Variants in DLG5 observed in about 807,000 individuals in gnomAD.
The protein encoded by DLG5 is disks large homolog 5.
DLG5 carries 48 observed loss-of-function variants against 189.8 expected under a neutral mutation model. The observed-to-expected ratio is 0.25, with a 90% CI of 0.20 to 0.32. The LOEUF is 0.32. Among genes scored for constraint, DLG5 ranks in the 10% least tolerant of loss-of-function variants. DLG5 has a pLI of 1.00. For missense variants in DLG5, 2,160 were observed against 2,544.7 expected (o/e 0.85, Z 3.25); for synonymous variants, 1,016 against 1,054.1 (o/e 0.96, Z 0.70).
intron 1 of DLG5, among the ~76,000 whole-genome samples, chr10:77,893,391 A>T (rs1263001413): frequency 6.6e-6 from 1 of 152,222 alleles, no homozygotes; most frequent in Non-Finnish European, 1.5e-5. Context: ...ACTCCTCCAT[A>T]ACCCTGTTAG....
chr10:77,890,685 G>T lies in DLG5; in HGVS notation c.305-21488C>A, dbSNP rs185514826. On this transcript the variant is annotated intron_variant, in intron 1 of 31. Transcript: ENST00000372391. The stretch of plus-strand genomic sequence containing the variant: ...TACAAAATTAGCTGGGCATAGTGGC[G>T]CATGCCTGTAAATAATTATGCTTTA... 2.1e-3 allele frequency among the ~76,000 whole-genome samples: 316 copies of T among 152,264 alleles called. 1 individual carries two copies. Among genetic ancestry groups the T allele is most frequent in the African/African-American group, 7.2e-3 (299 of 41,550 alleles).
intron 29 of DLG5, among the ~76,000 whole-genome samples, chr10:77,795,283 G>A (rs1444492902): frequency 6.6e-6 from 1 of 152,106 alleles, no homozygotes; most frequent in Non-Finnish European, 1.5e-5. Context: ...CCTTATTTTT[G>A]CCAGACTGAG....
intron 31 of DLG5, chr10:77,792,777 T>G (rs1368530270): frequency 3.9e-6 from 2 of 507,938 alleles, no homozygotes; most frequent in Non-Finnish European, 7.0e-6. Flanking sequence ...GTTAACACCC[T>G]GGGTTGGGTT....
At chr10:77,932,839 C>T in the DLG5 span, among the ~76,000 whole-genome samples, 16 of 152,178 alleles carry the variant, frequency 1.1e-4, no homozygotes, top group Non-Finnish European at 1.8e-4. Context: ...CCTACCAGGC[C>T]CCACTGCTCT....
At chr10:77,854,922 G>A (rs1316750126) in intron 3 of DLG5, among the ~76,000 whole-genome samples, 3 of 151,934 alleles carry the variant, frequency 2.0e-5, no homozygotes, top group African/African-American at 4.8e-5. Flanking sequence ...CCAGGAGGTC[G>A]AGGATGCAGT....
At chr10:77,867,096 G>A (rs1844712848) in intron 2 of DLG5, 1 of 456,724 alleles carries the variant, frequency 2.2e-6, no homozygotes, top group Admixed American at 2.3e-5. Flanking sequence ...CGCAAGGACT[G>A]AGTCAGCTTC....
intron 1 of DLG5, among the ~76,000 whole-genome samples, chr10:77,895,044 G>A (rs892683572): frequency 2.0e-5 from 3 of 152,170 alleles, no homozygotes; most frequent in Non-Finnish European, 4.4e-5. Context: ...ATGGGTTCAG[G>A]GAAGAAAAGT....
the DLG5 span, among the ~76,000 whole-genome samples, chr10:77,939,166 G>A: frequency 3.9e-5 from 6 of 152,194 alleles, no homozygotes; most frequent in Non-Finnish European, 7.3e-5. Flanking sequence ...GGCAACAAGA[G>A]TGAAACTCCG....
intron 26 of DLG5, among the ~76,000 whole-genome samples, chr10:77,806,356 G>A (rs988444511): frequency 6.6e-6 from 1 of 152,164 alleles, no homozygotes; most frequent in Non-Finnish European, 1.5e-5. Flanking sequence ...AGGACAGTGG[G>A]ATAAGGGGCT....
In DLG5 at chr10:77,792,136, A is replaced by C; in HGVS notation, c.*304T>G. 1 of 414,270 alleles carries C rather than the reference A, an allele frequency of 2.4e-6. No individual in the cohort carries two copies. Among genetic ancestry groups the C allele is most frequent in the South Asian group, 3.8e-5 (1 of 26,172 alleles). The allele number at this position is 414,270 out of a possible 1,614,324, so 25.7% of individuals were successfully genotyped here. ...AAAGGCTTGTAAACGAGTGATCCGA[A>C]AGGTTCTCTTTGCAGCATCTCTGAT... On this transcript the variant is annotated 3_prime_UTR_variant, in exon 32 of 32. Coordinates refer to ENST00000372391, the MANE Select transcript of DLG5 (RefSeq NM_004747.4).
intron 1 of DLG5, among the ~76,000 whole-genome samples, chr10:77,876,753 A>AG (rs1845111348): frequency 6.6e-6 from 1 of 150,714 alleles, no homozygotes; most frequent in African/African-American, 2.4e-5. Context: ...GGAAGGAAAA[A>AG]AAAAAAGTAA....
the DLG5 span, among the ~76,000 whole-genome samples, chr10:77,940,384 C>T: frequency 4.6e-5 from 7 of 152,170 alleles, no homozygotes; most frequent in East Asian, 1.9e-4. Context: ...ATGTGGGCTT[C>T]GTTTATTTCT....
At position 77,811,187 on chromosome 10, in the gene DLG5, C is replaced by T; in HGVS notation, c.4370G>A (p.Gly1457Asp). ...AGATGGATGCTCCGGGGTGGTGGTG[C>T]CACTGCCCTGGAGAGTGGAGTGGGT... ...AGTHSTLQGS[G>D]TTTPEHPSVI... is the part of the protein sequence containing the mutation. The change falls in exon 23 of 32, where the codon GGC (glycine) becomes GAC (aspartate). Residue 1457 changes from glycine (G) to aspartate (D), a missense_variant. Gly to Asp is a moderately conservative substitution (Grantham distance 94). Around this residue, in one of 5 missense-constraint regions of DLG5, gnomAD observed 574 missense variants for 644.2 expected, o/e 0.89. Transcript: ENST00000372391. The T allele has an allele frequency of 1.2e-6, 2 of 1,613,354 alleles. No homozygotes were observed. Among genetic ancestry groups the T allele is most frequent in the Non-Finnish European group, 1.7e-6 (2 of 1,179,960 alleles).
At chr10:77,844,238 G>A (rs927389415) in intron 5 of DLG5, among the ~76,000 whole-genome samples, 1 of 152,088 alleles carries the variant, frequency 6.6e-6, no homozygotes, top group Non-Finnish European at 1.5e-5. Context: ...CCTCCGTGGA[G>A]GCCAGCACTT....
intron 1 of DLG5, among the ~76,000 whole-genome samples, chr10:77,923,328 GGAA>G: frequency 6.6e-6 from 1 of 152,204 alleles, no homozygotes; most frequent in Non-Finnish European, 1.5e-5. Flanking sequence ...GGCTCCTCAA[GGAA>G]GAAGACTTCC....
chr10:77,885,391 A>C (rs1845407562), intron 1 of DLG5, among the ~76,000 whole-genome samples: 1 of 152,240 alleles, frequency 6.6e-6, no homozygotes, highest in African/African-American at 2.4e-5. Flanking sequence ...TTTCAAATGC[A>C]TAAAGGGATG....
At chr10:77,917,853 C>A (rs879581929) in intron 1 of DLG5, among the ~76,000 whole-genome samples, 3 of 150,882 alleles carry the variant, frequency 2.0e-5, no homozygotes, top group Admixed American at 2.0e-4. Flanking sequence ...GTGGTGAAAC[C>A]CCGTCTCTAC....
intron 1 of DLG5, among the ~76,000 whole-genome samples, chr10:77,897,816 T>A (rs1170446430): frequency 6.6e-6 from 1 of 151,808 alleles, no homozygotes; most frequent in Non-Finnish European, 1.5e-5. Flanking sequence ...AAAAAGGATG[T>A]GGTTCCCAAA....
At chr10:77,831,376 C>T (rs113426654) in intron 9 of DLG5, among the ~76,000 whole-genome samples, 40 of 151,132 alleles carry the variant, frequency 2.6e-4, no homozygotes, top group South Asian at 1.5e-3. Context: ...TCCAGCCTGG[C>T]GACAGAGTGA....
Sources: allele counts gnomAD v4.1 joint callset (sites outside exome capture counted in the v4.1 genomes callset), GRCh38; gene constraint gnomAD v4.1.1; regional missense constraint gnomAD v4.1.1; transcripts MANE v1.5; gene names NCBI Gene and HGNC (gene_info 2026-07-23, HGNC 2026-07-21).